The following RIPOR3 variants were observed in gnomAD, a reference collection of about 807,000 sequenced individuals.
The protein encoded by RIPOR3 is family with sequence similarity 65 member C.
A neutral mutation model predicts 114.3 loss-of-function variants in RIPOR3; 95 were observed. The observed-to-expected ratio is 0.83, with a 90% CI of 0.70 to 0.99. RIPOR3 has a LOEUF of 0.99. Among genes scored for constraint, RIPOR3 ranks in the 50% least tolerant of loss-of-function variants. The probability of loss-of-function intolerance (pLI) is 0.00; values close to 1 mark genes in which losing one functional copy is unlikely to be tolerated. For synonymous variants in RIPOR3, 575 were observed against 543.8 expected, an observed-to-expected ratio of 1.06 and a Z score of -0.80; for missense variants, 1,252 against 1,266.9, an observed-to-expected ratio of 0.99 and a Z score of 0.18.
intron 2 of RIPOR3, among the ~76,000 whole-genome samples, chr20:50,629,992 G>A (rs1460784154): frequency 6.7e-6 from 1 of 149,624 alleles, no homozygotes; most frequent in East Asian, 1.9e-4. Flanking sequence ...TTTTGAGATG[G>A]CATCTTGCTC....
In RIPOR3 at chr20:50,638,107, G is replaced by A. The variant is rs562716733; in HGVS notation, c.4-7251C>T. ...AGAGCAGGTTGGAACCAGCTTCAGG[G>A]CAGCCCATGGTCCTGGCTCTGCCAT... On this transcript the variant is annotated intron_variant, in intron 1 of 21. Coordinates refer to ENST00000327979, the MANE Select transcript of RIPOR3 (RefSeq NM_001290268.2). 2.0e-4 allele frequency among the ~76,000 whole-genome samples: 30 copies of A among 152,296 alleles called. No individual in the cohort carries two copies. In the South Asian group the frequency reaches 6.2e-3, roughly 32 times the overall value.
At chr20:50,619,854 TA>T in intron 3 of RIPOR3, 131 bp downstream of exon 3, 1 of 1,248,452 alleles carries the variant, frequency 8.0e-7, no homozygotes, top group Non-Finnish European at 1.1e-6. Flanking sequence ...ACTTGCTTAC[TA>T]AACGAATGAC....
chr20:50,628,113 T>C (rs565525836), intron 2 of RIPOR3, among the ~76,000 whole-genome samples: 52 of 152,342 alleles, frequency 3.4e-4, no homozygotes, highest in Admixed American at 1.4e-3. Flanking sequence ...AATGGTTAAG[T>C]TGAGAAACAG....
intron 3 of RIPOR3, among the ~76,000 whole-genome samples, chr20:50,617,628 C>G (rs1406763599): frequency 9.1e-6 from 1 of 110,442 alleles, no homozygotes; most frequent in Non-Finnish European, 1.7e-5. Flanking sequence ...GGTGGTTTCC[C>G]TTTTTTTTTT....
intron 1 of RIPOR3, among the ~76,000 whole-genome samples, chr20:50,683,410 A>T (rs1371400028): frequency 1.3e-5 from 2 of 151,256 alleles, no homozygotes; most frequent in East Asian, 2.0e-4. Flanking sequence ...CCCTTTCAGT[A>T]TGTCATTATG....
chr20:50,594,343 T>G (rs1256583840), intron 17 of RIPOR3, among the ~76,000 whole-genome samples: 1 of 150,782 alleles, frequency 6.6e-6, no homozygotes, highest in Non-Finnish European at 1.5e-5. Flanking sequence ...CTCCACAGAC[T>G]GCTCAGAAGG....
intron 1 of RIPOR3, among the ~76,000 whole-genome samples, chr20:50,641,607 C>G (rs1231975039): frequency 6.6e-6 from 1 of 152,318 alleles, no homozygotes; most frequent in East Asian, 1.9e-4. Flanking sequence ...GAAGTCATAG[C>G]ACGGCCCTGC....
At chr20:50,599,164 G>A (rs1366515356) in intron 13 of RIPOR3, among the ~76,000 whole-genome samples, 1 of 152,164 alleles carries the variant, frequency 6.6e-6, no homozygotes, top group Non-Finnish European at 1.5e-5. Flanking sequence ...GGCCGAGGCA[G>A]GTGGATCACC....
intron 1 of RIPOR3, among the ~76,000 whole-genome samples, chr20:50,652,411 T>C (rs2085641900): frequency 6.6e-6 from 1 of 151,670 alleles, no homozygotes; most frequent in African/African-American, 2.4e-5. Flanking sequence ...GCCAACATGG[T>C]GAAACCCCAT....
intron 1 of RIPOR3, among the ~76,000 whole-genome samples, chr20:50,678,753 G>A (rs1443390861): frequency 1.3e-5 from 2 of 152,022 alleles, no homozygotes; most frequent in African/African-American, 4.8e-5. Flanking sequence ...GCACATGGTG[G>A]AGGCTCCTTG....
chr20:50,610,023 CT>C (rs1209270805), intron 6 of RIPOR3, among the ~76,000 whole-genome samples: 19 of 129,978 alleles, frequency 1.5e-4, no homozygotes, highest in African/African-American at 5.1e-4. Flanking sequence ...CCTGCCACCC[CT>C]GCCTCACCTG....
chr20:50,592,253 C>G (rs2083129478), intron 19 of RIPOR3, 91 bp downstream of exon 19: 1 of 1,343,224 alleles, frequency 7.4e-7, no homozygotes, highest in Non-Finnish European at 1.0e-6. Context: ...GCCCCTGGCA[C>G]TCACTTCTTT....
intron 3 of RIPOR3, among the ~76,000 whole-genome samples, chr20:50,616,781 CA>C (rs2084187266): frequency 6.6e-6 from 1 of 152,220 alleles, no homozygotes; most frequent in Non-Finnish European, 1.5e-5. Context: ...TCTTCATCCC[CA>C]TGTTATACCC....
At chr20:50,644,674 T>A (rs138680718) in intron 1 of RIPOR3, among the ~76,000 whole-genome samples, 1 of 129,748 alleles carries the variant, frequency 7.7e-6, no homozygotes, top group African/African-American at 3.0e-5. Flanking sequence ...TTTTTTTGTT[T>A]GCTTTTTTTT....
chr20:50,640,788 C>T lies in RIPOR3; in HGVS notation c.4-9932G>A, dbSNP rs571160534. 1.7e-3 allele frequency among the ~76,000 whole-genome samples: 252 copies of T among 152,080 alleles called. 1 individual carries two copies. Among genetic ancestry groups the T allele is most frequent in the Non-Finnish European group, 1.8e-3 (125 of 68,020 alleles). Reference sequence around the variant, plus strand: ...ACGCACAGGCCCACGCATGCGCCCACGAACACATGTGAATTACTTCTAGGA... The same window carrying T: ...ACGCACAGGCCCACGCATGCGCCCATGAACACATGTGAATTACTTCTAGGA... On this transcript the variant is annotated intron_variant, in intron 1 of 21. Coordinates refer to ENST00000327979, the MANE Select transcript of RIPOR3 (RefSeq NM_001290268.2).
chr20:50,598,887 A>G (rs1264881170), intron 13 of RIPOR3, among the ~76,000 whole-genome samples: 2 of 149,146 alleles, frequency 1.3e-5, no homozygotes, highest in Non-Finnish European at 3.0e-5. Context: ...CCTGAGCGAC[A>G]GAGCAAGACT....
rs1206328348 is a variant in RIPOR3, at chr20:50,630,805, C to T, written c.55G>A (p.Ala19Thr). The change falls in exon 2 of 22, where the codon GCC (alanine) becomes ACC (threonine). Residue 19 changes from alanine to threonine, a missense_variant. Transcript: ENST00000327979. ...GCGCTCCGGCCCACGACCCCCACGG[C>T]CCCTGTGTCCCCAGGGGACAGGAAC... is the stretch of plus-strand genomic sequence containing the variant. Reference protein sequence around the residue: ...LRFLSPGDTGAVGVVGRSASF... With the variant: ...LRFLSPGDTGTVGVVGRSASF... The T allele has an allele frequency of 6.2e-7, 1 of 1,611,682 alleles. No homozygotes were observed. The highest frequency in any genetic ancestry group is 8.5e-7 in the Non-Finnish European group (1 of 1,179,326).
At chr20:50,635,933 G>C (rs1433697731) in intron 1 of RIPOR3, among the ~76,000 whole-genome samples, 4 of 152,230 alleles carry the variant, frequency 2.6e-5, no homozygotes, top group Admixed American at 2.6e-4. Context: ...AGGGGGACCT[G>C]CCAAGCTAGA....
Position 50,602,687 on chromosome 20 carries a change from G to T in RIPOR3, c.1087-43C>A. On this transcript the variant is annotated intron_variant, in intron 12 of 21. Coordinates refer to ENST00000327979, the MANE Select transcript of RIPOR3 (RefSeq NM_001290268.2). The surrounding 1 kb of genome is among the most constrained non-coding windows in gnomAD (Gnocchi z 4.3). ...GAGCGGCCTCACCAGCCACCCCAGGGACCACAGCAAGTCCCCCAGAGGGGC... is the reference window on the plus strand; with the variant it reads ...GAGCGGCCTCACCAGCCACCCCAGGTACCACAGCAAGTCCCCCAGAGGGGC... 1 of 1,400,688 alleles carries T rather than the reference G, an allele frequency of 7.1e-7. No individual in the cohort carries two copies. Among genetic ancestry groups the T allele is most frequent in the South Asian group, 1.8e-5 (1 of 55,578 alleles). The allele number at this position is 1,400,688 out of a possible 1,614,324, so 86.8% of individuals were successfully genotyped here. A position where few individuals can be genotyped will look rare whatever the true frequency, so the allele number is the denominator to read the frequency against.
Sources: gnomAD v4.1 joint callset for allele counts (sites outside exome capture counted in the v4.1 genomes callset) on GRCh38, gnomAD v4.1.1 for gene constraint, Gnocchi (gnomAD v3.1) non-coding constraint, MANE v1.5 for transcripts, NCBI Gene and HGNC (gene_info 2026-07-23, HGNC 2026-07-21) for gene names.